The following MGAT4C variants were observed in gnomAD, a reference collection of about 807,000 sequenced individuals.
MGAT4C encodes the protein alpha-1,3-mannosyl-glycoprotein 4-beta-N-acetylglucosaminyltransferase C.
A neutral mutation model predicts 40.1 loss-of-function variants in MGAT4C; 19 were observed. The observed-to-expected ratio is 0.47, with a 90% CI of 0.33 to 0.70. The LOEUF is 0.70. Among genes scored for constraint, MGAT4C ranks in the 30% least tolerant of loss-of-function variants. The pLI is 0.02. For synonymous variants in MGAT4C, 181 were observed against 187.1 expected, an observed-to-expected ratio of 0.97 and a Z score of 0.27; for missense variants, 491 against 563.2, an observed-to-expected ratio of 0.87 and a Z score of 1.30.
At chr12:86,296,644 G>A (rs1411956286) in intron 4 of MGAT4C, among the ~76,000 whole-genome samples, 3 of 152,320 alleles carry the variant, frequency 2.0e-5, no homozygotes, top group Non-Finnish European at 2.9e-5. Context: ...CCGCTGGCCC[G>A]GGTGCTAAGC....
intron 2 of MGAT4C, among the ~76,000 whole-genome samples, chr12:86,462,681 C>G (rs373989794): frequency 7.9e-5 from 12 of 152,118 alleles, no homozygotes; most frequent in African/African-American, 2.9e-4. Context: ...GCTGAAGGCC[C>G]GAGAGGCCCT....
intron 3 of MGAT4C, among the ~76,000 whole-genome samples, chr12:86,387,864 T>C (rs536477612): frequency 3.3e-5 from 5 of 152,280 alleles, no homozygotes; most frequent in African/African-American, 1.2e-4. Flanking sequence ...TGACCTTAGC[T>C]AATCATAATT....
chr12:86,361,563 G>T (rs1015518063), intron 3 of MGAT4C, among the ~76,000 whole-genome samples: 1 of 152,282 alleles, frequency 6.6e-6, no homozygotes, highest in African/African-American at 2.4e-5. Context: ...TACAGAATGG[G>T]AGAAAATTTT....
Position 86,333,837 on chromosome 12 carries a change from T to C in MGAT4C, c.-57+228A>G, listed in dbSNP as rs73385284. 3.3e-3 allele frequency among the ~76,000 whole-genome samples: 510 copies of C among 152,304 alleles called. 3 individuals are homozygous for C. Among genetic ancestry groups the C allele is most frequent in the African/African-American group, 0.012 (497 of 41,574 alleles). On this transcript the variant is annotated intron_variant, in intron 4 of 7. Coordinates refer to the MGAT4C transcript ENST00000548651. ...CCATATGCCTTAAACTGAATATCAG[T>C]TAATAGCACAAATACATTATCTTCT...
chr12:86,583,936 T>G (rs1302146005), intron 2 of MGAT4C, among the ~76,000 whole-genome samples: 1 of 151,050 alleles, frequency 6.6e-6, no homozygotes, highest in Non-Finnish European at 1.5e-5. Context: ...TCCTTTACCT[T>G]ATACTACTAA....
At chr12:86,298,751 T>C (rs557485754) in intron 4 of MGAT4C, among the ~76,000 whole-genome samples, 2 of 152,190 alleles carry the variant, frequency 1.3e-5, no homozygotes, top group African/African-American at 4.8e-5. Flanking sequence ...CATGGTAATC[T>C]ATTTATTCTG....
intron 2 of MGAT4C, among the ~76,000 whole-genome samples, chr12:86,603,373 C>A (rs1269652370): frequency 7.9e-6 from 1 of 126,090 alleles, no homozygotes; most frequent in Non-Finnish European, 1.6e-5. Context: ...ATGCTATATA[C>A]TATATATACT....
Position 86,500,447 on chromosome 12 carries a change from G to A in MGAT4C, c.-228-65182C>T, listed in dbSNP as rs185464481. Among the ~76,000 whole-genome samples the A allele has an allele frequency of 3.3e-3, 505 of 151,742 alleles. 2 individuals are homozygous for A. The highest frequency in any genetic ancestry group is 0.012 in the African/African-American group (487 of 41,470). Reference sequence around the variant, plus strand: ...TATCCTATGGCTGAATAGATTAAACGTTATTAAAAATTATGCCAATAATTT... The same window carrying A: ...TATCCTATGGCTGAATAGATTAAACATTATTAAAAATTATGCCAATAATTT... On this transcript the variant is annotated intron_variant, in intron 2 of 7. Transcript: ENST00000548651.
intron 1 of MGAT4C, among the ~76,000 whole-genome samples, chr12:86,742,377 T>C (rs1043772795): frequency 6.6e-6 from 1 of 151,586 alleles, no homozygotes; most frequent in Non-Finnish European, 1.5e-5. Context: ...TTTAACTTGC[T>C]TTAACCATTA....
chr12:86,187,417 A>C (rs1888877434), intron 1 of MGAT4C, among the ~76,000 whole-genome samples: 11 of 152,042 alleles, frequency 7.2e-5, no homozygotes, highest in Admixed American at 7.2e-4. Flanking sequence ...CACCACCAAA[A>C]TAAAAATGAG....
In MGAT4C at chr12:86,432,506, T is replaced by C. The variant is rs79638571; in HGVS notation, c.-120+2651A>G. On this transcript the variant is annotated intron_variant, in intron 3 of 7. Transcript: ENST00000548651. Reference sequence around the variant, plus strand: ...AGGCATATACCTGAGAAGTCACAAGTAGAAGAGATGGAAGGTGGGGTCATG... The same window carrying C: ...AGGCATATACCTGAGAAGTCACAAGCAGAAGAGATGGAAGGTGGGGTCATG... 0.02 allele frequency among the ~76,000 whole-genome samples: 3,000 copies of C among 151,868 alleles called. 209 individuals are homozygous for C. The East Asian group carries it at 0.23, about 12-fold the overall frequency.
intron 3 of MGAT4C, among the ~76,000 whole-genome samples, chr12:86,336,518 T>A (rs1356851821): frequency 6.6e-6 from 1 of 152,112 alleles, no homozygotes; most frequent in East Asian, 1.9e-4. Flanking sequence ...ATACAAATAA[T>A]TTGATATTTA....
rs1183038630 is a variant in MGAT4C, at chr12:85,955,960, CA to C, written c.*23328del. On this transcript the variant is annotated 3_prime_UTR_variant, in exon 5 of 5. Coordinates refer to ENST00000611864, the MANE Select transcript of MGAT4C (RefSeq NM_001351288.2). Reference sequence around the variant, plus strand: ...GTTAGTGCAATTACACTTGTTAGGGCACAGAGAATATTGGTATTTTTGATGA... The same window carrying C: ...GTTAGTGCAATTACACTTGTTAGGGCCAGAGAATATTGGTATTTTTGATGA... 6.6e-6 allele frequency: 1 copy of C among 152,100 alleles called. No individual in the cohort carries two copies. Among genetic ancestry groups the C allele is most frequent in the African/African-American group, 2.4e-5 (1 of 41,422 alleles). 9.4% of individuals were successfully genotyped at this position (152,100 alleles called of 1,614,324 possible). A position where few individuals can be genotyped will look rare whatever the true frequency, so the allele number is the denominator to read the frequency against.
intron 2 of MGAT4C, among the ~76,000 whole-genome samples, chr12:86,529,742 GTTT>G (rs1023971386): frequency 1.3e-5 from 2 of 151,408 alleles, no homozygotes; most frequent in Non-Finnish European, 3.0e-5. Flanking sequence ...TTATTTTTTA[GTTT>G]TTTTATTGTG....
intron 1 of MGAT4C, among the ~76,000 whole-genome samples, chr12:86,812,740 A>T: frequency 6.6e-6 from 1 of 152,076 alleles, no homozygotes; most frequent in South Asian, 2.1e-4. Flanking sequence ...TTAGGGGAAG[A>T]GTCTCAGGTC....
At chr12:86,229,384 G>A (rs1410433147) in intron 1 of MGAT4C, among the ~76,000 whole-genome samples, 1 of 151,882 alleles carries the variant, frequency 6.6e-6, no homozygotes, top group African/African-American at 2.4e-5. Flanking sequence ...GTAGTTGTGT[G>A]TCTACTATAT....
At chr12:86,773,942 CTTCTTTT>C (rs1315196895) in intron 1 of MGAT4C, among the ~76,000 whole-genome samples, 2 of 106,522 alleles carry the variant, frequency 1.9e-5, no homozygotes, top group Non-Finnish European at 3.8e-5. Context: ...TTTAAAGTAA[CTTCTTTT>C]TTTTTTTTTT....
chr12:86,614,131 G>A (rs1487358981), intron 2 of MGAT4C, among the ~76,000 whole-genome samples: 2 of 152,142 alleles, frequency 1.3e-5, no homozygotes, highest in African/African-American at 4.8e-5. Flanking sequence ...AATATTTAGT[G>A]TGCCCATCAT....
chr12:86,535,503 A>G (rs902995230), intron 2 of MGAT4C, among the ~76,000 whole-genome samples: 9 of 152,116 alleles, frequency 5.9e-5, no homozygotes, highest in Non-Finnish European at 1.3e-4. Context: ...GAGAGTTAAC[A>G]GCTGATTCAC....
Sources: allele counts gnomAD v4.1 joint callset (sites outside exome capture counted in the v4.1 genomes callset), GRCh38; gene constraint gnomAD v4.1.1; transcripts MANE v1.5; gene names NCBI Gene and HGNC (gene_info 2026-07-23, HGNC 2026-07-21).